The following FNTA variants were observed in gnomAD, a reference collection of about 807,000 sequenced individuals.
FNTA encodes the protein farnesyltransferase, CAAX box, subunit alpha.
In FNTA, 27 loss-of-function variants were observed where a neutral mutation model predicts 55.2. The observed-to-expected ratio is 0.49, with a 90% CI of 0.36 to 0.67. The LOEUF is 0.67. Ranked by LOEUF, FNTA falls within the 30% of genes least tolerant of loss-of-function variation. The probability of loss-of-function intolerance (pLI) is 0.00; values close to 1 mark genes in which losing one functional copy is unlikely to be tolerated. For synonymous variants in FNTA, 176 were observed against 170.7 expected, an observed-to-expected ratio of 1.03 and a Z score of -0.24; for missense variants, 422 against 464.7, an observed-to-expected ratio of 0.91 and a Z score of 0.85.
intron 3 of FNTA, among the ~76,000 whole-genome samples, chr8:43,066,502 G>T (rs200412262): frequency 6.9e-6 from 1 of 145,742 alleles, no homozygotes; most frequent in South Asian, 2.1e-4. Context: ...CTCGTGATCC[G>T]CCCGCCTCGG....
chr8:43,066,706 T>C (rs1810668978), intron 3 of FNTA, among the ~76,000 whole-genome samples: 1 of 152,160 alleles, frequency 6.6e-6, no homozygotes, highest in Non-Finnish European at 1.5e-5. Context: ...ACTTTCTCTT[T>C]ATGCGTATAA....
intron 6 of FNTA, chr8:43,082,424 A>G (rs1811044369): frequency 6.6e-6 from 1 of 152,184 alleles, no homozygotes; most frequent in Non-Finnish European, 1.5e-5. Flanking sequence ...TATTTCAGTG[A>G]CTAGGGATTT....
intron 3 of FNTA, among the ~76,000 whole-genome samples, chr8:43,067,725 TATTA>T (rs772154637): frequency 5.3e-5 from 8 of 151,874 alleles, no homozygotes; most frequent in Non-Finnish European, 1.2e-4. Context: ...ATTTTATTTT[TATTA>T]ATTTTTTTGA....
intron 7 of FNTA, among the ~76,000 whole-genome samples, chr8:43,084,172 T>G (rs1424616153): frequency 6.6e-6 from 1 of 152,072 alleles, no homozygotes; most frequent in Non-Finnish European, 1.5e-5. Flanking sequence ...TGAACACTTT[T>G]AAACTTCATT....
intron 2 of FNTA, among the ~76,000 whole-genome samples, chr8:43,062,776 C>T (rs1039847610): frequency 6.6e-6 from 1 of 152,202 alleles, no homozygotes; most frequent in Non-Finnish European, 1.5e-5. Flanking sequence ...TCTGTAGACA[C>T]CAACTAGTTG....
intron 2 of FNTA, among the ~76,000 whole-genome samples, chr8:43,060,434 G>T (rs1184691408): frequency 1.3e-5 from 2 of 152,108 alleles, no homozygotes; most frequent in Non-Finnish European, 2.9e-5. Flanking sequence ...CAGTACTTTG[G>T]GAGGCTGAGG....
chr8:43,057,994 G>T (rs1810450150), intron 1 of FNTA, among the ~76,000 whole-genome samples: 1 of 151,272 alleles, frequency 6.6e-6, no homozygotes, highest in Non-Finnish European at 1.5e-5. Context: ...AAGAATATAA[G>T]TGAAAGTGTT....
intron 2 of FNTA, among the ~76,000 whole-genome samples, chr8:43,060,230 C>A: frequency 6.6e-6 from 1 of 152,218 alleles, no homozygotes; most frequent in East Asian, 1.9e-4. Flanking sequence ...ATAGAAATAT[C>A]TATGAAGAGA....
intron 6 of FNTA, chr8:43,082,412 C>G (rs1055363077): frequency 6.6e-6 from 1 of 152,140 alleles, no homozygotes; most frequent in Non-Finnish European, 1.5e-5. Flanking sequence ...TGTAAATTCT[C>G]CTATTTCAGT....
At chr8:43,060,210 A>T (rs1172652702) in intron 2 of FNTA, among the ~76,000 whole-genome samples, 3 of 152,204 alleles carry the variant, frequency 2.0e-5, no homozygotes, top group Non-Finnish European at 2.9e-5. Flanking sequence ...ATGAAGAGAC[A>T]ATTCACAAAA....
intron 2 of FNTA, among the ~76,000 whole-genome samples, chr8:43,062,171 T>TTGTG (rs1231444055): frequency 1.3e-5 from 1 of 74,982 alleles, no homozygotes; most frequent in South Asian, 5.1e-4. Flanking sequence ...TGTGTATGTT[T>TTGTG]TATGTGTGTG....
intron 2 of FNTA, among the ~76,000 whole-genome samples, chr8:43,060,871 T>G (rs1156805622): frequency 1.3e-5 from 2 of 151,914 alleles, no homozygotes; most frequent in Non-Finnish European, 1.5e-5. Flanking sequence ...TTAAACAGGA[T>G]CCATATTAAA....
chr8:43,069,733 C>T (rs538788108), intron 4 of FNTA, 74 bp downstream of exon 4: 11 of 858,080 alleles, frequency 1.3e-5, no homozygotes, highest in South Asian at 1.1e-4. Flanking sequence ...CAGCCTCTGC[C>T]TCCTGGGTTC....
At position 43,062,173 on chromosome 8, in the gene FNTA, ATGTGTGTGTGTG is replaced by A. The variant is rs35607201; in HGVS notation, c.287-1910_287-1899del. ...ATCAATGTGCATATGTGTATGTTTT[ATGTGTGTGTGTG>A]TGTGTGTGTGTGTGTGTAAGATAAT... On this transcript the variant is annotated intron_variant, in intron 2 of 8. Transcript: ENST00000302279. Among the ~76,000 whole-genome samples the A allele has an allele frequency of 9.3e-4, 139 of 149,016 alleles. 1 individual carries two copies. The highest frequency in any genetic ancestry group is 3.4e-3 in the Middle Eastern group (1 of 292).
At chr8:43,084,081 AAAAG>A (rs1468417997) in intron 7 of FNTA, among the ~76,000 whole-genome samples, 2 of 152,112 alleles carry the variant, frequency 1.3e-5, no homozygotes, top group African/African-American at 2.4e-5. Context: ...AGAAAAAAAA[AAAAG>A]AAGAACATCT....
intron 6 of FNTA, chr8:43,082,879 C>CT (rs1811052885): frequency 3.6e-6 from 1 of 278,890 alleles, no homozygotes. Context: ...AACCCTGTCT[C>CT]TACTAAAAAT....
At chr8:43,068,022 C>T (rs1373306913) in intron 3 of FNTA, among the ~76,000 whole-genome samples, 1 of 152,192 alleles carries the variant, frequency 6.6e-6, no homozygotes, top group Non-Finnish European at 1.5e-5. Context: ...GCCTCAGTCT[C>T]CCGAGTAGCT....
chr8:43,077,011 CTGTA>C (rs1429506895), intron 5 of FNTA: 1 of 396,948 alleles, frequency 2.5e-6, no homozygotes, highest in Non-Finnish European at 4.4e-6. Context: ...TTCCTGCTTT[CTGTA>C]TGTGTCTTTC....
chr8:43,067,781 G>A (rs572225655), intron 3 of FNTA, among the ~76,000 whole-genome samples: 6 of 151,844 alleles, frequency 4.0e-5, no homozygotes, highest in Non-Finnish European at 5.9e-5. Context: ...GTACGGTGAC[G>A]TGATCTTGGC....
Sources: allele counts gnomAD v4.1 joint callset (sites outside exome capture counted in the v4.1 genomes callset), GRCh38; gene constraint gnomAD v4.1.1; transcripts MANE v1.5; gene names NCBI Gene and HGNC (gene_info 2026-07-23, HGNC 2026-07-21).